Variants in OSBPL3 observed in about 807,000 individuals in gnomAD.
OSBPL3 encodes oxysterol-binding protein-related protein 3.
OSBPL3 carries 65 observed loss-of-function variants against 120.1 expected under a neutral mutation model. That is an observed-to-expected ratio of 0.54 (90% CI 0.44 to 0.67). OSBPL3 has a LOEUF of 0.67. OSBPL3 is among the 30% of genes least tolerant of loss of function. OSBPL3 has a pLI of 0.00. For missense variants in OSBPL3, 1,004 were observed against 1,082.1 expected, an observed-to-expected ratio of 0.93 and a Z score of 1.01; for synonymous variants, 416 against 402.6, an observed-to-expected ratio of 1.03 and a Z score of -0.40.
intron 7 of OSBPL3, among the ~76,000 whole-genome samples, chr7:24,864,809 C>T (rs1355418751): frequency 2.0e-5 from 3 of 152,160 alleles, no homozygotes; most frequent in Non-Finnish European, 2.9e-5. Context: ...TGGCAGGCGC[C>T]TTATCAAAAT....
At position 24,881,200 on chromosome 7, in the gene OSBPL3, TG is replaced by T. The variant is rs1803637303; in HGVS notation, c.97-9132del. Among the ~76,000 whole-genome samples the T allele has an allele frequency of 6.6e-6, 1 of 152,238 alleles. No individual in the cohort carries two copies. Among genetic ancestry groups the T allele is most frequent in the East Asian group, 1.9e-4 (1 of 5,198 alleles). On this transcript the variant is annotated intron_variant, in intron 2 of 22. Coordinates refer to ENST00000313367, the MANE Select transcript of OSBPL3 (RefSeq NM_015550.4). The surrounding 1 kb of genome is among the most constrained non-coding windows in gnomAD (Gnocchi z 4.3). ...CATGACTTAGAATCACAGGAGTAGG[TG>T]GCAGAAGTTTAGCACAATAAACTCT...
Position 24,819,122 on chromosome 7 carries a change from G to A in OSBPL3, c.1948+1053C>T, listed in dbSNP as rs765310751. Among the ~76,000 whole-genome samples, 4 of 151,826 alleles carry A rather than the reference G, an allele frequency of 2.6e-5. No homozygotes were observed. In the South Asian group the frequency reaches 6.2e-4, roughly 24 times the overall value. ...ACAAAAATTAGCTGGGCATAGTGGC[G>A]CATGCCTGTAGTCCCAGCTACTCGG... On this transcript the variant is annotated intron_variant, in intron 17 of 22. Transcript: ENST00000313367. The surrounding 1 kb of genome is among the most constrained non-coding windows in gnomAD (Gnocchi z 4.1).
At chr7:24,934,154 C>T (rs1296862482) in intron 1 of OSBPL3, among the ~76,000 whole-genome samples, 1 of 152,144 alleles carries the variant, frequency 6.6e-6, no homozygotes, top group Non-Finnish European at 1.5e-5. Flanking sequence ...ATTTTAAAAA[C>T]ACCAGTATCA....
In OSBPL3 at chr7:24,870,738, A is replaced by T; in HGVS notation, c.375T>A (p.His125Gln). The change falls in exon 5 of 23, where the codon CAT becomes CAA. Residue 125 changes from histidine to glutamine, a missense_variant. This residue lies in a region of OSBPL3 where 255 missense variants were observed against 248.7 expected (regional missense o/e 1.03). Transcript: ENST00000313367. The stretch of plus-strand genomic sequence containing the variant: ...CAGTGGGAAGCAGCCTCACCTTCAG[A>T]TGGTAGATGTGCTCCTCGGTGTCAA... ...IDLDTEEHIYHLKVKSEEVFD... is the reference protein window; with the variant it reads ...IDLDTEEHIYQLKVKSEEVFD... The T allele has an allele frequency of 6.3e-7, 1 of 1,592,856 alleles. No individual in the cohort carries two copies. Among genetic ancestry groups the T allele is most frequent in the Non-Finnish European group, 8.6e-7 (1 of 1,160,542 alleles).
chr7:24,950,677 G>A (rs1318810692), intron 1 of OSBPL3, among the ~76,000 whole-genome samples: 5 of 152,184 alleles, frequency 3.3e-5, no homozygotes, highest in African/African-American at 1.2e-4. Context: ...AGCGGAGATC[G>A]TGCCACTGCA....
rs147774871 is a variant in OSBPL3 at position 24,800,249 on chromosome 7, G to A, written c.2598C>T (p.Asn866=). The part of the protein sequence containing the change: ...RKSDDDSWVS[N]GTYLELRKDL... ...CTTTTCTAAGTTCCAAATAGGTGCC[G>A]TTGCTCACCCAAGAGTCATCGTCGG... The change falls in exon 23 of 23, where the codon AAC becomes AAT. Residue 866 remains asparagine, a synonymous_variant. Coordinates refer to ENST00000313367, the MANE Select transcript of OSBPL3 (RefSeq NM_015550.4). 4.3e-5 allele frequency: 70 copies of A among 1,611,408 alleles called. No homozygotes were observed. Among genetic ancestry groups the A allele is most frequent in the East Asian group, 2.0e-4 (9 of 44,838 alleles).
chr7:24,833,895 G>C lies in OSBPL3; in HGVS notation c.1746+591C>G, dbSNP rs1796680311. 6.6e-6 allele frequency among the ~76,000 whole-genome samples: 1 copy of C among 152,140 alleles called. No homozygotes were observed. The highest frequency in any genetic ancestry group is 1.5e-5 in the Non-Finnish European group (1 of 68,034). On this transcript the variant is annotated intron_variant, in intron 15 of 22. Coordinates refer to ENST00000313367, the MANE Select transcript of OSBPL3 (RefSeq NM_015550.4). This position sits in a 1 kb window ranked among gnomAD's most constrained non-coding sequence, Gnocchi z 4.4. ...TTTAAAAGCCAGCATGCTGTGACTG[G>C]AGCTGATGCCCAGTAGGGAAGAGAA...
At chr7:24,892,298 C>A in intron 2 of OSBPL3, 79 bp downstream of exon 2, 1 of 1,431,352 alleles carries the variant, frequency 7.0e-7, no homozygotes, top group Non-Finnish European at 9.7e-7. Context: ...TAGGCTTTCC[C>A]AAGTAAATGT....
chr7:24,887,759 C>A (rs943738352), intron 2 of OSBPL3, among the ~76,000 whole-genome samples: 1 of 152,172 alleles, frequency 6.6e-6, no homozygotes, highest in Non-Finnish European at 1.5e-5. Context: ...GCTAAAAACA[C>A]GGCAATCTTT....
At position 24,867,454 on chromosome 7, in the gene OSBPL3, G is replaced by C. The variant is rs1161903705; in HGVS notation, c.382-1217C>G. 6.6e-6 allele frequency among the ~76,000 whole-genome samples: 1 copy of C among 152,100 alleles called. No homozygotes were observed. The highest frequency in any genetic ancestry group is 2.4e-5 in the African/African-American group (1 of 41,400). ...TTCCCACATTTTGTGGGAGGGACCT[G>C]GTCAGTGAGAGGTAACTGGATCATG... On this transcript the variant is annotated intron_variant, in intron 5 of 22. Transcript: ENST00000313367. This position sits in a 1 kb window ranked among gnomAD's most constrained non-coding sequence, Gnocchi z 4.5.
Position 24,855,180 on chromosome 7 carries a change from C to T in OSBPL3, c.1028-2546G>A, listed in dbSNP as rs1470530059. Among the ~76,000 whole-genome samples, 2 of 152,164 alleles carry T rather than the reference C, an allele frequency of 1.3e-5. No homozygotes were observed. The highest frequency in any genetic ancestry group is 1.9e-4 in the East Asian group (1 of 5,190). On this transcript the variant is annotated intron_variant, in intron 10 of 22. Transcript: ENST00000313367. This position sits in a 1 kb window ranked among gnomAD's most constrained non-coding sequence, Gnocchi z 4.3. ...TATGTCCTATTAGATAGGCACTATGCCCCTCCCCTGCCTGCCACACACACA... is the reference window on the plus strand; with the variant it reads ...TATGTCCTATTAGATAGGCACTATGTCCCTCCCCTGCCTGCCACACACACA...
intron 1 of OSBPL3, among the ~76,000 whole-genome samples, chr7:24,958,233 T>C (rs1326735009): frequency 2.0e-5 from 3 of 152,124 alleles, no homozygotes; most frequent in African/African-American, 4.8e-5. Context: ...TCAATATAAA[T>C]CTCTTATTAA....
rs755312657 is a variant in OSBPL3, at chr7:24,965,684, G to A, written c.-150+14202C>T. Among the ~76,000 whole-genome samples, 1 of 152,150 alleles carries A rather than the reference G, an allele frequency of 6.6e-6. No individual in the cohort carries two copies. The highest frequency in any genetic ancestry group is 1.5e-5 in the Non-Finnish European group (1 of 68,036). On this transcript the variant is annotated intron_variant, in intron 1 of 22. Transcript: ENST00000313367. This position sits in a 1 kb window ranked among gnomAD's most constrained non-coding sequence, Gnocchi z 4.3. ...ACCCACTAAATCAGAAACTGTGGGGGTGGGGCCCAGCAATCTGTTTTATTA... is the reference window on the plus strand; with the variant it reads ...ACCCACTAAATCAGAAACTGTGGGGATGGGGCCCAGCAATCTGTTTTATTA...
At chr7:24,838,238 A>T (rs1584314311) in intron 14 of OSBPL3, among the ~76,000 whole-genome samples, 1 of 152,196 alleles carries the variant, frequency 6.6e-6, no homozygotes, top group Non-Finnish European at 1.5e-5. Flanking sequence ...GCTCATGCCT[A>T]TAATCCCAGC....
intron 2 of OSBPL3, among the ~76,000 whole-genome samples, chr7:24,890,177 A>C (rs1805137506): frequency 6.6e-6 from 1 of 152,220 alleles, no homozygotes; most frequent in Non-Finnish European, 1.5e-5. Flanking sequence ...AAAGAAAGCA[A>C]TTTGAAAATG....
chr7:24,923,747 C>T (rs1223670520), intron 1 of OSBPL3, among the ~76,000 whole-genome samples: 1 of 152,092 alleles, frequency 6.6e-6, no homozygotes, highest in Non-Finnish European at 1.5e-5. Flanking sequence ...GGCAGGCGGG[C>T]GGCCGGGTGG....
rs1350229577 is a variant in OSBPL3, at chr7:24,967,526, C to T, written c.-150+12360G>A. On this transcript the variant is annotated intron_variant, in intron 1 of 22. Coordinates refer to ENST00000313367, the MANE Select transcript of OSBPL3 (RefSeq NM_015550.4). This position sits in a 1 kb window ranked among gnomAD's most constrained non-coding sequence, Gnocchi z 5.6. ...CAACGGTTATCATGGAAAAAGTACC[C>T]ACCCCAGAGAATGATTGTGAGAATT... Among the ~76,000 whole-genome samples the T allele has an allele frequency of 6.6e-6, 1 of 152,166 alleles. No individual in the cohort carries two copies. The highest frequency in any genetic ancestry group is 1.5e-5 in the Non-Finnish European group (1 of 68,030).
chr7:24,826,068 TAA>T (rs1795670502), intron 16 of OSBPL3, among the ~76,000 whole-genome samples: 1 of 152,144 alleles, frequency 6.6e-6, no homozygotes. Context: ...CCAACTGAAA[TAA>T]GTTTTCTGAC....
Position 24,804,503 on chromosome 7 carries a change from T to G in OSBPL3, c.2445-66A>C. 1 of 1,477,540 alleles carries G rather than the reference T, an allele frequency of 6.8e-7. No individual in the cohort carries two copies. Among genetic ancestry groups the G allele is most frequent in the East Asian group, 2.4e-5 (1 of 42,526 alleles). 91.5% of individuals were successfully genotyped at this position (1,477,540 alleles called of 1,614,324 possible). On this transcript the variant is annotated intron_variant, in intron 21 of 22. Coordinates refer to ENST00000313367, the MANE Select transcript of OSBPL3 (RefSeq NM_015550.4). This position sits in a 1 kb window ranked among gnomAD's most constrained non-coding sequence, Gnocchi z 5.4. ...AAGAAAACAAAACAATCATTACTAC[T>G]CAACTTGCATGTGTCCACGACTGGA...
Sources: allele counts gnomAD v4.1 joint callset (sites outside exome capture counted in the v4.1 genomes callset), GRCh38; gene constraint gnomAD v4.1.1; regional missense constraint gnomAD v4.1.1; non-coding constraint Gnocchi (gnomAD v3.1); transcripts MANE v1.5; gene names NCBI Gene and HGNC (gene_info 2026-07-23, HGNC 2026-07-21).